SNTB2: variants seen among roughly 807,000 people sequenced by gnomAD.
SNTB2 encodes syntrophin beta 2.
In SNTB2, 34 loss-of-function variants were observed where a neutral mutation model predicts 46.2. That is an observed-to-expected ratio of 0.74 (90% CI 0.56 to 0.98). SNTB2 has a LOEUF of 0.98. Ranked by LOEUF, SNTB2 falls within the 50% of genes least tolerant of loss-of-function variation. The probability of loss-of-function intolerance (pLI) is 0.00; values close to 1 mark genes in which losing one functional copy is unlikely to be tolerated. For synonymous variants in SNTB2, 290 were observed against 312.6 expected, an observed-to-expected ratio of 0.93 and a Z score of 0.76; for missense variants, 603 against 731.4, an observed-to-expected ratio of 0.82 and a Z score of 2.02.
chr16:69,304,272 T>A lies in SNTB2; in HGVS notation c.*3348T>A, dbSNP rs925384048. The A allele has an allele frequency of 2.6e-5, 4 of 152,650 alleles. No individual in the cohort carries two copies. The highest frequency in any genetic ancestry group is 5.9e-5 in the Non-Finnish European group (4 of 68,048). The allele number at this position is 152,650 out of a possible 1,614,324, so 9.5% of individuals were successfully genotyped here. Reference sequence around the variant, plus strand: ...AAATATAAGTTCCTGCAGTATTTATTAGATAGTTGTAACTGTAAACTCACC... The same window carrying A: ...AAATATAAGTTCCTGCAGTATTTATAAGATAGTTGTAACTGTAAACTCACC... On this transcript the variant is annotated 3_prime_UTR_variant, in exon 7 of 7. Transcript: ENST00000336278.
At chr16:69,247,763 A>T (rs1217415297) in intron 2 of SNTB2, among the ~76,000 whole-genome samples, 4 of 152,202 alleles carry the variant, frequency 2.6e-5, no homozygotes, top group Non-Finnish European at 5.9e-5. Context: ...TAGTACCTAT[A>T]AAGGCCCTTT....
At position 69,303,035 on chromosome 16, in the gene SNTB2, T is replaced by A. The variant is rs1384211852; in HGVS notation, c.*2111T>A. On this transcript the variant is annotated 3_prime_UTR_variant, in exon 7 of 7. Coordinates refer to ENST00000336278, the MANE Select transcript of SNTB2 (RefSeq NM_006750.4). ...CTACCCACCACCACACCCAGCTAAT[T>A]TTTGTATTTTTAGTAGAGGCAGGTT... The A allele has an allele frequency of 6.6e-6, 1 of 152,058 alleles. No individual in the cohort carries two copies. The highest frequency in any genetic ancestry group is 1.5e-5 in the Non-Finnish European group (1 of 68,050). 9.4% of individuals were successfully genotyped at this position (152,058 alleles called of 1,614,324 possible).
chr16:69,187,967 A>C (rs1964010871), intron 1 of SNTB2, among the ~76,000 whole-genome samples: 1 of 152,124 alleles, frequency 6.6e-6, no homozygotes, highest in East Asian at 1.9e-4. Flanking sequence ...GACTCGGCTG[A>C]GATTGAGTAA....
rs1355571354 is a variant in SNTB2 at position 69,270,203 on chromosome 16, G to A, written c.1066G>A (p.Asp356Asn). The A allele has an allele frequency of 1.9e-6, 3 of 1,614,092 alleles. No homozygotes were observed. The highest frequency in any genetic ancestry group is 1.1e-5 in the South Asian group (1 of 91,068). ...RPVLMAVTEK[D>N]LLLYDCMPWT... ...TGTCCTCATGGCTGTGACTGAGAAG[G>A]ATTTGCTGCTCTATGACTGTATGCC... is the stretch of plus-strand genomic sequence containing the variant. The change falls in exon 4 of 7, where the codon GAT becomes AAT. Residue 356 changes from aspartate (D) to asparagine (N), a missense_variant. By Grantham distance (23) the Asp-to-Asn change is conservative. Coordinates refer to ENST00000336278, the MANE Select transcript of SNTB2 (RefSeq NM_006750.4).
chr16:69,269,634 T>C (rs1479952850), intron 3 of SNTB2, among the ~76,000 whole-genome samples: 1 of 152,256 alleles, frequency 6.6e-6, no homozygotes, highest in Non-Finnish European at 1.5e-5. Context: ...ATGTAAACTC[T>C]ATTATTGTAA....
intron 5 of SNTB2, among the ~76,000 whole-genome samples, chr16:69,299,270 G>A (rs908839395): frequency 6.6e-6 from 1 of 151,792 alleles, no homozygotes; most frequent in African/African-American, 2.4e-5. Context: ...AGCCTCCTGA[G>A]TAGCTGGGAT....
intron 3 of SNTB2, among the ~76,000 whole-genome samples, chr16:69,269,186 A>G (rs1203662584): frequency 1.3e-5 from 2 of 151,976 alleles, no homozygotes; most frequent in African/African-American, 4.8e-5. Context: ...AAGAAAAAAA[A>G]AAATACAACA....
intron 1 of SNTB2, among the ~76,000 whole-genome samples, chr16:69,194,094 G>C (rs1407636948): frequency 6.6e-6 from 1 of 152,128 alleles, no homozygotes; most frequent in Non-Finnish European, 1.5e-5. Flanking sequence ...TGCTTAGTCT[G>C]ATAGCTTGCT....
chr16:69,241,151 TGC>T (rs1216309263), intron 1 of SNTB2, among the ~76,000 whole-genome samples: 1 of 138,356 alleles, frequency 7.2e-6, no homozygotes, highest in African/African-American at 2.6e-5. Context: ...TGAGCCACCG[TGC>T]CCGGCCTGGA....
At chr16:69,288,430 T>C (rs957651143) in intron 5 of SNTB2, among the ~76,000 whole-genome samples, 1 of 152,244 alleles carries the variant, frequency 6.6e-6, no homozygotes, top group Non-Finnish European at 1.5e-5. Flanking sequence ...TTTGTTCTTA[T>C]TCACAGCTGT....
chr16:69,213,174 A>C (rs1964307021), intron 1 of SNTB2, among the ~76,000 whole-genome samples: 2 of 152,220 alleles, frequency 1.3e-5, no homozygotes, highest in Non-Finnish European at 2.9e-5. Context: ...TTGTGAGATT[A>C]AATGAAATTA....
intron 1 of SNTB2, among the ~76,000 whole-genome samples, chr16:69,203,137 G>A (rs1368578719): frequency 6.6e-6 from 1 of 151,430 alleles, no homozygotes; most frequent in Non-Finnish European, 1.5e-5. Context: ...TCCTGCCTCA[G>A]CCTCCTAGTA....
At position 69,199,595 on chromosome 16, in the gene SNTB2, C is replaced by CAAAAAAAAAAAAAAAA. The variant is rs60011703; in HGVS notation, c.580+11850_580+11865dup. ...TGGACAACAGAGTGAAACACTGCCT[C>CAAAAAAAAAAAAAAAA]AAAAAAAAAAAAAAAAGGCGATCTT... On this transcript the variant is annotated intron_variant, in intron 1 of 6. Transcript: ENST00000336278. Among the ~76,000 whole-genome samples, 21 of 76,862 alleles carry CAAAAAAAAAAAAAAAA rather than the reference C, an allele frequency of 2.7e-4. 2 individuals carry two copies. Among genetic ancestry groups the CAAAAAAAAAAAAAAAA allele is most frequent in the African/African-American group, 3.2e-4 (6 of 18,894 alleles). The allele number at this position is 76,862 out of a possible 152,430, so 50.4% of individuals were successfully genotyped here.
At chr16:69,190,736 A>G (rs1023364343) in intron 1 of SNTB2, among the ~76,000 whole-genome samples, 2 of 152,326 alleles carry the variant, frequency 1.3e-5, no homozygotes. Context: ...AGGGTAGAGT[A>G]GAAGCAAGGA....
intron 2 of SNTB2, among the ~76,000 whole-genome samples, chr16:69,258,605 C>CTTT (rs67116274): frequency 6.0e-3 from 497 of 83,378 alleles, no homozygotes; most frequent in Non-Finnish European, 7.2e-3. Flanking sequence ...CTTGTTCTTT[C>CTTT]TTTTTTTTTT....
intron 1 of SNTB2, among the ~76,000 whole-genome samples, chr16:69,215,988 G>T (rs1038838700): frequency 2.6e-5 from 4 of 152,088 alleles, no homozygotes; most frequent in Non-Finnish European, 5.9e-5. Context: ...AAAAAAATTT[G>T]TAGAGATGAG....
Position 69,260,163 on chromosome 16 carries a change from T to C in SNTB2, c.908T>C (p.Leu303Pro), listed in dbSNP as rs536739711. 6.2e-7 allele frequency: 1 copy of C among 1,614,050 alleles called. No homozygotes were observed. Among genetic ancestry groups the C allele is most frequent in the South Asian group, 1.1e-5 (1 of 91,084 alleles). ...ATCCACACCAACATAATGGCTCTCC[T>C]CCCACAGGTGTTGGCTGAACTCAAC... ...VAIHTNIMALLPQVLAELNAM... is the reference protein window; with the variant it reads ...VAIHTNIMALPPQVLAELNAM... Residue 303 changes from leucine (L) to proline (P), a missense_variant, in exon 3 of 7, where the codon CTC (leucine) becomes CCC (proline). Leu to Pro is a moderately conservative substitution (Grantham distance 98). Transcript: ENST00000336278.
At chr16:69,273,236 G>C (rs1313463106) in intron 4 of SNTB2, among the ~76,000 whole-genome samples, 1 of 152,160 alleles carries the variant, frequency 6.6e-6, no homozygotes, top group African/African-American at 2.4e-5. Context: ...CCTAAGTTAT[G>C]CCTAAGAGTA....
intron 5 of SNTB2, among the ~76,000 whole-genome samples, chr16:69,288,763 C>A (rs963370865): frequency 5.3e-5 from 8 of 152,054 alleles, no homozygotes; most frequent in African/African-American, 1.9e-4. Context: ...GCACTATTCA[C>A]AATAACAAAG....
Sources: gnomAD v4.1 joint callset for allele counts (sites outside exome capture counted in the v4.1 genomes callset) on GRCh38, gnomAD v4.1.1 for gene constraint, MANE v1.5 for transcripts, NCBI Gene and HGNC (gene_info 2026-07-23, HGNC 2026-07-21) for gene names.